Variants in ZNF521 observed in about 807,000 individuals in gnomAD.
ZNF521 encodes the protein zinc finger protein 521, also known as LYST-interacting protein 3.
A neutral mutation model predicts 105.5 loss-of-function variants in ZNF521; 14 were observed. The ratio of observed to expected loss-of-function variants is 0.13; its 90% CI spans 0.09 to 0.21. The LOEUF is 0.21. Among genes scored for constraint, ZNF521 ranks in the 10% least tolerant of loss-of-function variants. The pLI, the probability that ZNF521 is intolerant of heterozygous loss-of-function variation, is 1.00. For synonymous variants in ZNF521, 635 were observed against 606.0 expected, an observed-to-expected ratio of 1.05 and a Z score of -0.70; for missense variants, 1,233 against 1,629.7, an observed-to-expected ratio of 0.76 and a Z score of 4.19.
intron 5 of ZNF521, among the ~76,000 whole-genome samples, chr18:25,193,288 T>G (rs73407173): frequency 3.9e-5 from 6 of 152,088 alleles, no homozygotes; most frequent in South Asian, 2.1e-4. Context: ...GAACATTCAA[T>G]TGAAATTCTA....
intron 5 of ZNF521, among the ~76,000 whole-genome samples, chr18:25,131,549 A>G (rs2034641075): frequency 6.6e-6 from 1 of 152,118 alleles, no homozygotes; most frequent in Non-Finnish European, 1.5e-5. Context: ...CCTAAGACAA[A>G]TATCTATCAT....
intron 5 of ZNF521, among the ~76,000 whole-genome samples, chr18:25,180,869 C>G (rs2035620805): frequency 6.6e-6 from 1 of 152,198 alleles, no homozygotes; most frequent in South Asian, 2.1e-4. Context: ...ACAACAGCAA[C>G]AGCAGCAGCA....
At chr18:25,326,769 G>A (rs753828663) in intron 2 of ZNF521, among the ~76,000 whole-genome samples, 2 of 152,184 alleles carry the variant, frequency 1.3e-5, no homozygotes, top group Non-Finnish European at 2.9e-5. Flanking sequence ...TTCTGAGGAT[G>A]ATGTAAATAT....
At chr18:25,197,081 A>G (rs1158388425) in intron 4 of ZNF521, among the ~76,000 whole-genome samples, 1 of 151,892 alleles carries the variant, frequency 6.6e-6, no homozygotes, top group East Asian at 1.9e-4. Flanking sequence ...ATAAAATGCC[A>G]GCACTTACTA....
At chr18:25,103,163 C>T (rs1337915690) in intron 5 of ZNF521, among the ~76,000 whole-genome samples, 2 of 151,870 alleles carry the variant, frequency 1.3e-5, no homozygotes, top group African/African-American at 4.8e-5. Context: ...ATTTTATCTC[C>T]CTAGATGGTG....
At chr18:25,332,649 T>A (rs529504982) in intron 2 of ZNF521, among the ~76,000 whole-genome samples, 273 of 152,330 alleles carry the variant, frequency 1.8e-3, no homozygotes, top group African/African-American at 4.8e-3. Flanking sequence ...TTGTTTTAAA[T>A]TTTTTAACTG....
intron 2 of ZNF521, among the ~76,000 whole-genome samples, chr18:25,345,056 T>C (rs1914402625): frequency 6.6e-6 from 1 of 152,240 alleles, no homozygotes; most frequent in Non-Finnish European, 1.5e-5. Flanking sequence ...GTATACTTAA[T>C]AATATGCTTC....
chr18:25,137,674 G>A (rs916345079), intron 5 of ZNF521, among the ~76,000 whole-genome samples: 1 of 152,076 alleles, frequency 6.6e-6, no homozygotes, highest in Non-Finnish European at 1.5e-5. Context: ...CAGACAGACA[G>A]AGCACATGTG....
intron 1 of ZNF521, 176 bp from the exon 2 acceptor site, chr18:25,351,123 G>C (rs1172569153): frequency 5.0e-6 from 1 of 200,154 alleles, no homozygotes. Flanking sequence ...CGCGGGGCTC[G>C]CGGCTGCCCG....
chr18:25,139,081 C>T (rs1350920519), intron 5 of ZNF521, among the ~76,000 whole-genome samples: 6 of 151,962 alleles, frequency 3.9e-5, no homozygotes, highest in Admixed American at 1.3e-4. Flanking sequence ...GTTAGTAATG[C>T]AAAAAGACGC....
At position 25,350,927 on chromosome 18, in the gene ZNF521, G is replaced by C; in HGVS notation, c.20C>G (p.Ala7Gly). 6.4e-7 allele frequency: 1 copy of C among 1,550,878 alleles called. No individual in the cohort carries two copies. Among genetic ancestry groups the C allele is most frequent in the Non-Finnish European group, 8.7e-7 (1 of 1,146,474 alleles). Reference protein sequence around the residue: MSRRKQAKPRSLKDPNC... With the variant: MSRRKQGKPRSLKDPNC... Reference sequence around the variant, plus strand: ...CTTACCTTTGAGGGATCTCGGTTTCGCTTGCTTGCGGCGAGACATCCTAAA... The same window carrying C: ...CTTACCTTTGAGGGATCTCGGTTTCCCTTGCTTGCGGCGAGACATCCTAAA... Residue 7 changes from alanine to glycine, a missense_variant, in exon 2 of 8, where the codon GCG becomes GGG. Physicochemically the swap from Ala to Gly is moderately conservative, Grantham distance 60. Transcript: ENST00000361524.
intron 5 of ZNF521, among the ~76,000 whole-genome samples, chr18:25,154,304 A>G (rs1307863613): frequency 6.6e-6 from 1 of 152,174 alleles, no homozygotes; most frequent in Non-Finnish European, 1.5e-5. Context: ...TAAAATTGCT[A>G]TTGCTGTTTC....
At chr18:25,215,784 C>G (rs549673289) in intron 4 of ZNF521, among the ~76,000 whole-genome samples, 1 of 152,082 alleles carries the variant, frequency 6.6e-6, no homozygotes, top group African/African-American at 2.4e-5. Context: ...CAGGTGATCA[C>G]GGAACTGGGT....
intron 4 of ZNF521, among the ~76,000 whole-genome samples, chr18:25,211,730 A>G (rs184112947): frequency 6.6e-6 from 1 of 152,266 alleles, no homozygotes; most frequent in East Asian, 1.9e-4. Flanking sequence ...AATTATTTTT[A>G]ACGTTGCTGA....
chr18:25,062,462 C>A lies in ZNF521; in HGVS notation c.*250G>T. On this transcript the variant is annotated 3_prime_UTR_variant, in exon 8 of 8. Coordinates refer to ENST00000361524, the MANE Select transcript of ZNF521 (RefSeq NM_015461.3). ...ATCTTGCCTGAATAGGGCCCAAGTCCACTTGTCTTTATAAGACCATTTTAG... is the reference window on the plus strand; with the variant it reads ...ATCTTGCCTGAATAGGGCCCAAGTCAACTTGTCTTTATAAGACCATTTTAG... 1 of 453,630 alleles carries A rather than the reference C, an allele frequency of 2.2e-6. No homozygotes were observed. The highest frequency in any genetic ancestry group is 3.8e-5 in the East Asian group (1 of 26,418). 28.1% of individuals were successfully genotyped at this position (453,630 alleles called of 1,614,324 possible). A position where few individuals can be genotyped will look rare whatever the true frequency, so the allele number is the denominator to read the frequency against.
At chr18:25,289,754 A>G (rs754581262) in intron 3 of ZNF521, among the ~76,000 whole-genome samples, 2 of 152,236 alleles carry the variant, frequency 1.3e-5, no homozygotes, top group Non-Finnish European at 2.9e-5. Context: ...AAAGGGTCTG[A>G]GTAAACGAAA....
chr18:25,277,607 C>A (rs1312103623), intron 3 of ZNF521, among the ~76,000 whole-genome samples: 2 of 152,136 alleles, frequency 1.3e-5, no homozygotes, highest in African/African-American at 2.4e-5. Context: ...TGTCATTTAC[C>A]TTATCTTTCT....
intron 3 of ZNF521, among the ~76,000 whole-genome samples, chr18:25,299,409 C>T (rs1911501936): frequency 1.3e-5 from 2 of 152,116 alleles, no homozygotes; most frequent in South Asian, 4.1e-4. Context: ...GGAAAAGTAA[C>T]TGTGAAGAAT....
chr18:25,113,368 G>A (rs933705570), intron 5 of ZNF521, among the ~76,000 whole-genome samples: 4 of 152,096 alleles, frequency 2.6e-5, no homozygotes, highest in African/African-American at 9.7e-5. Flanking sequence ...GCCGCCCAGC[G>A]CCAATGAAAT....
Sources: allele counts gnomAD v4.1 joint callset (sites outside exome capture counted in the v4.1 genomes callset), GRCh38; gene constraint gnomAD v4.1.1; transcripts MANE v1.5; gene names NCBI Gene and HGNC (gene_info 2026-07-23, HGNC 2026-07-21).